The following PHF21B variants were observed in gnomAD, a reference collection of about 807,000 sequenced individuals.
PHF21B encodes PHD finger protein 21B, also known as PHD finger protein 4.
A neutral mutation model predicts 62.2 loss-of-function variants in PHF21B; 22 were observed. That is an observed-to-expected ratio of 0.35 (90% CI 0.25 to 0.51). PHF21B has a LOEUF of 0.51. Ranked by LOEUF, PHF21B falls within the 20% of genes least tolerant of loss-of-function variation. The pLI is 0.97. For missense variants in PHF21B, 701 were observed against 707.9 expected (o/e 0.99, Z 0.11); for synonymous variants, 341 against 314.7 (o/e 1.08, Z -0.88).
intron 2 of PHF21B, among the ~76,000 whole-genome samples, chr22:44,977,227 C>G (rs1430440485): frequency 6.8e-6 from 1 of 146,040 alleles, no homozygotes; most frequent in Non-Finnish European, 1.5e-5. Context: ...ATTTTTCATT[C>G]CCAGACTTTT....
At chr22:45,008,435 T>G in intron 2 of PHF21B, 110 bp downstream of exon 2, 1 of 1,042,354 alleles carries the variant, frequency 9.6e-7, no homozygotes, top group Non-Finnish European at 1.3e-6. Flanking sequence ...GACAGACCCC[T>G]CTGGGAGTCT....
intron 2 of PHF21B, among the ~76,000 whole-genome samples, chr22:44,955,637 T>C (rs1001042634): frequency 5.3e-5 from 8 of 152,220 alleles, no homozygotes; most frequent in African/African-American, 1.9e-4. Flanking sequence ...TCAGAGCTCC[T>C]GGTCCCCAGG....
At chr22:44,892,820 T>C (rs1001125250) in intron 7 of PHF21B, among the ~76,000 whole-genome samples, 1 of 152,164 alleles carries the variant, frequency 6.6e-6, no homozygotes, top group Non-Finnish European at 1.5e-5. Flanking sequence ...CAGGAAGGTG[T>C]CATTTATGAT....
intron 6 of PHF21B, among the ~76,000 whole-genome samples, chr22:44,895,403 G>A (rs755447750): frequency 6.6e-6 from 1 of 152,170 alleles, no homozygotes; most frequent in African/African-American, 2.4e-5. Context: ...CAGCCCCTTC[G>A]TAGAGTCACA....
At chr22:44,954,324 C>T (rs1194795140) in intron 2 of PHF21B, among the ~76,000 whole-genome samples, 2 of 152,248 alleles carry the variant, frequency 1.3e-5, no homozygotes, top group East Asian at 3.8e-4. Context: ...CAGCGCAGGA[C>T]ACGCAGGCTG....
chr22:44,982,486 C>T (rs774432597), intron 2 of PHF21B, among the ~76,000 whole-genome samples: 1 of 152,114 alleles, frequency 6.6e-6, no homozygotes, highest in African/African-American at 2.4e-5. Flanking sequence ...GCCAGCCAGC[C>T]AAGTCTGCAG....
At chr22:44,936,093 T>C (rs1252142880) in intron 2 of PHF21B, among the ~76,000 whole-genome samples, 1 of 152,266 alleles carries the variant, frequency 6.6e-6, no homozygotes, top group Non-Finnish European at 1.5e-5. Context: ...AAACATTCCT[T>C]GTCCTCCAAA....
intron 2 of PHF21B, among the ~76,000 whole-genome samples, chr22:44,972,827 G>C (rs943102278): frequency 6.6e-6 from 1 of 152,170 alleles, no homozygotes; most frequent in South Asian, 2.1e-4. Context: ...CTACAGACAG[G>C]GACTGTGTCT....
intron 2 of PHF21B, among the ~76,000 whole-genome samples, chr22:44,987,276 G>A (rs1056517756): frequency 6.6e-6 from 1 of 152,052 alleles, no homozygotes. Context: ...GGTGACATTG[G>A]CAAGATGAGG....
chr22:44,980,871 G>A (rs901095682), intron 2 of PHF21B, among the ~76,000 whole-genome samples: 1 of 152,192 alleles, frequency 6.6e-6, no homozygotes, highest in Admixed American at 6.5e-5. Context: ...ACCCAGCACT[G>A]CCGCCCAGAG....
At chr22:44,998,703 G>C (rs5766271) in intron 2 of PHF21B, among the ~76,000 whole-genome samples, 140,112 of 152,270 alleles carry the variant, frequency 0.92, 64,832 homozygotes, top group South Asian at 0.98. Flanking sequence ...CAAAAAGCCA[G>C]AGATGCCTCC....
At chr22:44,995,199 T>G (rs2073100852) in intron 2 of PHF21B, among the ~76,000 whole-genome samples, 1 of 152,192 alleles carries the variant, frequency 6.6e-6, no homozygotes, top group Admixed American at 6.5e-5. Flanking sequence ...TAAAATGTGT[T>G]GCTAAGATAC....
At chr22:45,008,928 G>A in intron 1 of PHF21B, 1 of 1,113,052 alleles carries the variant, frequency 9.0e-7, no homozygotes, top group East Asian at 4.7e-5. Context: ...GTGTGTGCCG[G>A]GGGAGGGGGG....
intron 2 of PHF21B, among the ~76,000 whole-genome samples, chr22:45,000,116 G>A (rs1411846266): frequency 6.6e-6 from 1 of 152,110 alleles, no homozygotes; most frequent in African/African-American, 2.4e-5. Context: ...AAAGGATGGA[G>A]CCGGGATTGG....
At chr22:44,909,744 T>G (rs956705022) in intron 5 of PHF21B, among the ~76,000 whole-genome samples, 6 of 152,242 alleles carry the variant, frequency 3.9e-5, no homozygotes, top group African/African-American at 1.4e-4. Flanking sequence ...GCCTATGCAG[T>G]GCCCTCCAGC....
intron 2 of PHF21B, among the ~76,000 whole-genome samples, chr22:44,924,540 G>A (rs1047370389): frequency 2.0e-5 from 3 of 152,172 alleles, no homozygotes; most frequent in East Asian, 3.8e-4. Flanking sequence ...GAAGAGACAC[G>A]AGGGAGTTTG....
chr22:44,933,538 G>A (rs1376050020), intron 2 of PHF21B: 1 of 985,376 alleles, frequency 1.0e-6, no homozygotes, highest in East Asian at 1.1e-4. Context: ...CAGACCAGAA[G>A]TGAGCATCAG....
chr22:44,948,293 A>T (rs905466818), intron 2 of PHF21B, among the ~76,000 whole-genome samples: 1 of 152,216 alleles, frequency 6.6e-6, no homozygotes, highest in African/African-American at 2.4e-5. Context: ...AGACAGTCCC[A>T]TCTGCGGGTG....
rs571666387 is a variant in PHF21B at position 44,904,756 on chromosome 22, C to T, written c.832-8673G>A. On this transcript the variant is annotated intron_variant, in intron 5 of 12. Transcript: ENST00000313237. The stretch of plus-strand genomic sequence containing the variant: ...CCAGAGAGGGCCAAGGAGCCACAGG[C>T]TGCAGAAAAAGTCAGTGGCATGCAC... Among the ~76,000 whole-genome samples the T allele has an allele frequency of 7.0e-5, 9 of 129,136 alleles. 2 individuals are homozygous for T. Among genetic ancestry groups the T allele is most frequent in the African/African-American group, 2.6e-4 (9 of 34,362 alleles). 84.7% of individuals were successfully genotyped at this position (129,136 alleles called of 152,430 possible). A position where few individuals can be genotyped will look rare whatever the true frequency, so the allele number is the denominator to read the frequency against.
Sources: allele counts gnomAD v4.1 joint callset (sites outside exome capture counted in the v4.1 genomes callset), GRCh38; gene constraint gnomAD v4.1.1; transcripts MANE v1.5; gene names NCBI Gene and HGNC (gene_info 2026-07-23, HGNC 2026-07-21).